Variants in RPL23 observed in about 807,000 individuals in gnomAD.
RPL23 encodes ribosomal protein L23.
For synonymous variants in RPL23, 63 were observed against 65.3 expected (o/e 0.97, Z 0.17); for missense variants, 79 against 178.8 (o/e 0.44, Z 3.18).
chr17:38,850,316 C>T (rs2143677118), intron 4 of RPL23, 46 bp downstream of exon 4: 1 of 1,575,422 alleles, frequency 6.3e-7, no homozygotes, highest in Non-Finnish European at 8.7e-7. Flanking sequence ...CTAGACAATC[C>T]ACCCAACCTC....
chr17:38,852,898 G>T, intron 2 of RPL23, 124 bp downstream of exon 2: 2 of 1,350,410 alleles, frequency 1.5e-6, no homozygotes, highest in Non-Finnish European at 2.1e-6. Flanking sequence ...AACAACACAT[G>T]TTGCCACTTC....
Position 38,848,031 on chromosome 17 carries a change from C to T in RPL23, c.*2101G>A. 1 of 1,549,508 alleles carries T rather than the reference C, an allele frequency of 6.5e-7. No individual in the cohort carries two copies. The highest frequency in any genetic ancestry group is 1.2e-5 in the South Asian group (1 of 83,856). On this transcript the variant is annotated 3_prime_UTR_variant, in exon 5 of 5. Transcript: ENST00000479035. ...ACAGTGAGCTTCAGTGGTGTTACTGCACTCCAGCCTGTGTGACAGAGCAAG... is the reference window on the plus strand; with the variant it reads ...ACAGTGAGCTTCAGTGGTGTTACTGTACTCCAGCCTGTGTGACAGAGCAAG...
chr17:38,847,923 G>T lies in RPL23; in HGVS notation c.*2209C>A, dbSNP rs1403406023. 6.6e-7 allele frequency: 1 copy of T among 1,520,084 alleles called. No homozygotes were observed. The highest frequency in any genetic ancestry group is 8.8e-7 in the Non-Finnish European group (1 of 1,136,266). The allele number at this position is 1,520,084 out of a possible 1,614,324, so 94.2% of individuals were successfully genotyped here. On this transcript the variant is annotated 3_prime_UTR_variant, in exon 5 of 5. Coordinates refer to ENST00000479035, the MANE Select transcript of RPL23 (RefSeq NM_000978.4). ...AAAATCTCCAAAGAATAAAATGTGA[G>T]GTGGGATGCAGTGGCTCACACTTGT...
intron 3 of RPL23, 82 bp downstream of exon 3, chr17:38,852,522 T>C: frequency 6.4e-7 from 1 of 1,565,806 alleles, no homozygotes; most frequent in East Asian, 2.3e-5. Context: ...ACTTGAGGCC[T>C]TGAAAACTGA....
chr17:38,850,016 G>T lies in RPL23; in HGVS notation c.*116C>A. 1.4e-6 allele frequency: 1 copy of T among 710,344 alleles called. No individual in the cohort carries two copies. Among genetic ancestry groups the T allele is most frequent in the Non-Finnish European group, 2.3e-6 (1 of 441,954 alleles). 44.0% of individuals were successfully genotyped at this position (710,344 alleles called of 1,614,324 possible). Reference sequence around the variant, plus strand: ...GCCTGTAATCCCAGCTACTTAGGAGGCTGAGGCAGGAGAATCGCTTGAACC... The same window carrying T: ...GCCTGTAATCCCAGCTACTTAGGAGTCTGAGGCAGGAGAATCGCTTGAACC... On this transcript the variant is annotated 3_prime_UTR_variant, in exon 5 of 5. Transcript: ENST00000479035.
chr17:38,849,224 T>C lies in RPL23; in HGVS notation c.*908A>G, dbSNP rs1420674751. ...GGCAATTACTGTTGTTTTATAAATA[T>C]TCAATTTACTCCAAATCTGTTAACT... On this transcript the variant is annotated 3_prime_UTR_variant, in exon 5 of 5. Coordinates refer to ENST00000479035, the MANE Select transcript of RPL23 (RefSeq NM_000978.4). 6.6e-6 allele frequency: 1 copy of C among 152,222 alleles called. No individual in the cohort carries two copies. Among genetic ancestry groups the C allele is most frequent in the Non-Finnish European group, 1.5e-5 (1 of 68,042 alleles). 9.4% of individuals were successfully genotyped at this position (152,222 alleles called of 1,614,324 possible).
At chr17:38,852,478 T>C (rs944416193) in intron 3 of RPL23, 126 bp downstream of exon 3, 3 of 1,205,908 alleles carry the variant, frequency 2.5e-6, no homozygotes, top group Non-Finnish European at 3.5e-6. Flanking sequence ...AAACTTAAGA[T>C]ACTTATCTCA....
intron 3 of RPL23, 107 bp downstream of exon 3, chr17:38,852,497 C>G: frequency 1.4e-6 from 2 of 1,424,360 alleles, no homozygotes; most frequent in South Asian, 2.5e-5. Flanking sequence ...CACACTGCCT[C>G]TCAATGGAAA....
In RPL23 at chr17:38,849,043, G is replaced by A. The variant is rs1912931103; in HGVS notation, c.*1089C>T. Reference sequence around the variant, plus strand: ...CCCTTATTATCAGCGCTTTATGCCTGTTCAGTTGGCAAAAATTTACCACAT... The same window carrying A: ...CCCTTATTATCAGCGCTTTATGCCTATTCAGTTGGCAAAAATTTACCACAT... On this transcript the variant is annotated 3_prime_UTR_variant, in exon 5 of 5. Coordinates refer to ENST00000479035, the MANE Select transcript of RPL23 (RefSeq NM_000978.4). The A allele has an allele frequency of 6.6e-6, 1 of 152,146 alleles. No individual in the cohort carries two copies. Among genetic ancestry groups the A allele is most frequent in the South Asian group, 2.1e-4 (1 of 4,836 alleles). The allele number at this position is 152,146 out of a possible 1,614,324, so 9.4% of individuals were successfully genotyped here.
At position 38,847,907 on chromosome 17, in the gene RPL23, A is replaced by G. The variant is rs2143671994; in HGVS notation, c.*2225T>C. 1 of 1,501,634 alleles carries G rather than the reference A, an allele frequency of 6.7e-7. No homozygotes were observed. The highest frequency in any genetic ancestry group is 2.5e-5 in the East Asian group (1 of 40,084). The allele number at this position is 1,501,634 out of a possible 1,614,324, so 93.0% of individuals were successfully genotyped here. A position where few individuals can be genotyped will look rare whatever the true frequency, so the allele number is the denominator to read the frequency against. Reference sequence around the variant, plus strand: ...TTAATCCAAGTCAAAAAAAATCTCCAAAGAATAAAATGTGAGGTGGGATGC... The same window carrying G: ...TTAATCCAAGTCAAAAAAAATCTCCGAAGAATAAAATGTGAGGTGGGATGC... On this transcript the variant is annotated 3_prime_UTR_variant, in exon 5 of 5. Coordinates refer to ENST00000479035, the MANE Select transcript of RPL23 (RefSeq NM_000978.4).
intron 2 of RPL23, 89 bp downstream of exon 2, chr17:38,852,933 C>T (rs752517187): frequency 1.6e-5 from 23 of 1,409,240 alleles, no homozygotes; most frequent in Non-Finnish European, 2.3e-5. Flanking sequence ...TTTTCACTCT[C>T]CCCTTTCTTG....
rs1444845913 is a variant in RPL23, at chr17:38,849,329, A to G, written c.*803T>C. 7.3e-6 allele frequency: 1 copy of G among 137,262 alleles called. No homozygotes were observed. The highest frequency in any genetic ancestry group is 1.5e-5 in the Non-Finnish European group (1 of 66,124). 8.5% of individuals were successfully genotyped at this position (137,262 alleles called of 1,614,324 possible). On this transcript the variant is annotated 3_prime_UTR_variant, in exon 5 of 5. Transcript: ENST00000479035. ...TGTCCAGGATCTAACTATATAGTCTATCTTAACTTCAATGCCTTTTTTTGG... is the reference window on the plus strand; with the variant it reads ...TGTCCAGGATCTAACTATATAGTCTGTCTTAACTTCAATGCCTTTTTTTGG...
Position 38,848,029 on chromosome 17 carries a change from T to G in RPL23, c.*2103A>C. 6.5e-7 allele frequency: 1 copy of G among 1,550,042 alleles called. No individual in the cohort carries two copies. Among genetic ancestry groups the G allele is most frequent in the Non-Finnish European group, 8.7e-7 (1 of 1,146,816 alleles). ...TTACAGTGAGCTTCAGTGGTGTTAC[T>G]GCACTCCAGCCTGTGTGACAGAGCA... is the stretch of plus-strand genomic sequence containing the variant. On this transcript the variant is annotated 3_prime_UTR_variant, in exon 5 of 5. Coordinates refer to ENST00000479035, the MANE Select transcript of RPL23 (RefSeq NM_000978.4).
In RPL23 at chr17:38,852,708, G is replaced by A. The variant is rs1223837843; in HGVS notation, c.122C>T (p.Ser41Phe). 6.2e-7 allele frequency: 1 copy of A among 1,614,072 alleles called. No individual in the cohort carries two copies. Among genetic ancestry groups the A allele is most frequent in the Admixed American group, 1.7e-5 (1 of 59,998 alleles). Residue 41 changes from serine (S) to phenylalanine (F), a missense_variant, in exon 3 of 5, where the codon TCC becomes TTC. Ser to Phe is a radical substitution (Grantham distance 155). Transcript: ENST00000479035. Reference sequence around the variant, plus strand: ...CAGCCGTCCCTTGATCCCCTTCACGGAGATGATATACAGGTTTTTGGCTCC... The same window carrying A: ...CAGCCGTCCCTTGATCCCCTTCACGAAGATGATATACAGGTTTTTGGCTCC... The part of the protein sequence containing the change: ...NTGAKNLYII[S>F]VKGIKGRLNR...
chr17:38,853,451 T>C (rs915962572), intron 1 of RPL23: 1 of 717,898 alleles, frequency 1.4e-6, no homozygotes, highest in Admixed American at 2.0e-5. Context: ...CCCATTACGA[T>C]AGCCCTATTC....
Position 38,848,352 on chromosome 17 carries a change from C to T in RPL23, c.*1780G>A. Reference sequence around the variant, plus strand: ...CTCCGGGGTTCAAGCAATTCTCCTGCCTCAGCCTCCCAAGTAGCTGGGATT... The same window carrying T: ...CTCCGGGGTTCAAGCAATTCTCCTGTCTCAGCCTCCCAAGTAGCTGGGATT... On this transcript the variant is annotated 3_prime_UTR_variant, in exon 5 of 5. Coordinates refer to ENST00000479035, the MANE Select transcript of RPL23 (RefSeq NM_000978.4). 1 of 197,522 alleles carries T rather than the reference C, an allele frequency of 5.1e-6. No homozygotes were observed. Among genetic ancestry groups the T allele is most frequent in the Non-Finnish European group, 1.0e-5 (1 of 97,086 alleles). The allele number at this position is 197,522 out of a possible 1,614,324, so 12.2% of individuals were successfully genotyped here.
In RPL23 at chr17:38,848,023, T is replaced by G. The variant is rs1912905567; in HGVS notation, c.*2109A>C. 6.5e-7 allele frequency: 1 copy of G among 1,549,752 alleles called. No homozygotes were observed. Among genetic ancestry groups the G allele is most frequent in the Non-Finnish European group, 8.7e-7 (1 of 1,146,754 alleles). On this transcript the variant is annotated 3_prime_UTR_variant, in exon 5 of 5. Coordinates refer to ENST00000479035, the MANE Select transcript of RPL23 (RefSeq NM_000978.4). ...TCAAAGTTACAGTGAGCTTCAGTGG[T>G]GTTACTGCACTCCAGCCTGTGTGAC...
Position 38,853,119 on chromosome 17 carries a change from G to A in RPL23, c.14-14C>T, listed in dbSNP as rs376234763. 6.9e-6 allele frequency: 11 copies of A among 1,604,416 alleles called. No individual in the cohort carries two copies. Among genetic ancestry groups the A allele is most frequent in the Non-Finnish European group, 7.7e-6 (9 of 1,171,260 alleles). On this transcript the variant is annotated splice_polypyrimidine_tract_variant and intron_variant, in intron 1 of 4. Transcript: ENST00000479035. ...ACCCACCACGTCCTGTGGATATAAA[G>A]GGAAGGGAAACAGGATAAAGAGATC... is the stretch of plus-strand genomic sequence containing the variant.
At chr17:38,852,442 TC>T (rs1215879479) in intron 3 of RPL23, 161 bp downstream of exon 3, 6 of 766,180 alleles carry the variant, frequency 7.8e-6, no homozygotes, top group East Asian at 2.6e-5. Flanking sequence ...AAGATGATGG[TC>T]CCCCCTCCAA....
Sources: gnomAD v4.1 joint callset for allele counts on GRCh38, gnomAD v4.1.1 for gene constraint, MANE v1.5 for transcripts, NCBI Gene and HGNC (gene_info 2026-07-23, HGNC 2026-07-21) for gene names.